The following GRIP2 variants were observed in gnomAD, a reference collection of about 807,000 sequenced individuals.
GRIP2 encodes the protein glutamate receptor-interacting protein 2.
In GRIP2, 58 loss-of-function variants were observed where a neutral mutation model predicts 108.3. The observed-to-expected ratio is 0.54, with a 90% CI of 0.43 to 0.67. GRIP2 has a LOEUF of 0.67. Among genes scored for constraint, GRIP2 ranks in the 30% least tolerant of loss-of-function variants. The pLI, the probability that GRIP2 is intolerant of heterozygous loss-of-function variation, is 0.00. For missense variants in GRIP2, 1,278 were observed against 1,430.6 expected (o/e 0.89, Z 1.72); for synonymous variants, 586 against 598.2 (o/e 0.98, Z 0.30).
intron 5 of GRIP2, 163 bp from the exon 6 acceptor site, chr3:14,523,238 C>T (rs929666743): frequency 1.6e-6 from 1 of 617,980 alleles, no homozygotes; most frequent in Non-Finnish European, 2.9e-6. Flanking sequence ...AATTCGCCCT[C>T]CCAAGAGATG....
chr3:14,574,742 C>A, the GRIP2 span: 1 of 475,782 alleles, frequency 2.1e-6, no homozygotes, highest in South Asian at 1.9e-5. Context: ...AGCAGCCTTT[C>A]ATCAGTGCTG....
At chr3:14,516,411 C>G (rs181209933) in intron 11 of GRIP2, among the ~76,000 whole-genome samples, 1 of 152,290 alleles carries the variant, frequency 6.6e-6, no homozygotes, top group East Asian at 1.9e-4. Context: ...TCTGCATCAA[C>G]AAAGGAAAGA....
Position 14,523,671 on chromosome 3 carries a change from G to A in GRIP2, c.431C>T (p.Ser144Leu), listed in dbSNP as rs377442202. The change falls in exon 5 of 24, where the codon TCA becomes TTA. Residue 144 changes from serine to leucine, a missense_variant. Ser to Leu is a moderately radical substitution (Grantham distance 145). Coordinates refer to ENST00000621039, the MANE Select transcript of GRIP2 (RefSeq NM_001080423.4). The part of the protein sequence containing the change: ...PAPENNPRII[S>L]KTVDVSLYKE... ...GTAGAGGGAGACGTCCACTGTCTTT[G>A]AAATGATCCTGGGGTTATTCTCAGG... 8.1e-6 allele frequency: 13 copies of A among 1,611,782 alleles called. No homozygotes were observed. The African/African-American group carries it at 1.6e-4, about 20-fold the overall frequency.
upstream of GRIP2, among the ~76,000 whole-genome samples, chr3:14,556,475 G>A (rs1695238330): frequency 6.6e-6 from 1 of 152,182 alleles, no homozygotes; most frequent in Non-Finnish European, 1.5e-5. Context: ...TTTCATACTA[G>A]GTTGAGATTA....
At chr3:14,559,993 C>G (rs541914000), upstream of GRIP2, among the ~76,000 whole-genome samples, 451 of 152,248 alleles carry the variant, frequency 3.0e-3, 1 homozygote, top group South Asian at 0.012. Flanking sequence ...TGGCTCAGAC[C>G]CGTAATTCCA....
At position 14,511,170 on chromosome 3, in the gene GRIP2, T is replaced by G; in HGVS notation, c.1928A>C (p.Asn643Thr). ...GGCCAGCATGAGGGCCATACCAGAG[T>G]TGTCCTCGTCCTTCCGGATCTTCAG... Reference protein sequence around the residue: ...VKLKIRKDEDNSDELETTGAV... With the variant: ...VKLKIRKDEDTSDELETTGAV... Residue 643 changes from asparagine to threonine, a missense_variant, in exon 16 of 24, where the codon AAC (asparagine) becomes ACC (threonine). By Grantham distance (65) the Asn-to-Thr change is moderately conservative. Coordinates refer to ENST00000621039, the MANE Select transcript of GRIP2 (RefSeq NM_001080423.4). The surrounding 1 kb of genome is among the most constrained non-coding windows in gnomAD (Gnocchi z 4.1). 6.2e-7 allele frequency: 1 copy of G among 1,613,634 alleles called. No individual in the cohort carries two copies. Among genetic ancestry groups the G allele is most frequent in the South Asian group, 1.1e-5 (1 of 91,030 alleles).
At chr3:14,547,839 T>C (rs1046730399) in intron 1 of GRIP2, among the ~76,000 whole-genome samples, 2 of 152,226 alleles carry the variant, frequency 1.3e-5, no homozygotes, top group African/African-American at 2.4e-5. Context: ...CAGGATGCAG[T>C]GGCCCCTCCC....
Position 14,491,419 on chromosome 3 carries a change from A to G in GRIP2, c.*2246T>C, listed in dbSNP as rs1426481334. On this transcript the variant is annotated 3_prime_UTR_variant, in exon 24 of 24. Transcript: ENST00000621039. ...GGGGAGAGGGCAGGTGGAAGGGGACATGTCACAGGGGCTGTTCCCAAAATG... is the reference window on the plus strand; with the variant it reads ...GGGGAGAGGGCAGGTGGAAGGGGACGTGTCACAGGGGCTGTTCCCAAAATG... The G allele has an allele frequency of 2.0e-5, 3 of 152,388 alleles. No individual in the cohort carries two copies. Among genetic ancestry groups the G allele is most frequent in the African/African-American group, 7.2e-5 (3 of 41,590 alleles). 9.4% of individuals were successfully genotyped at this position (152,388 alleles called of 1,614,324 possible).
At position 14,505,635 on chromosome 3, in the gene GRIP2, A is replaced by ATCCTCC. The variant is rs757372923; in HGVS notation, c.2547_2552dup (p.Glu849_Glu850dup). The ATCCTCC allele has an allele frequency of 1.9e-5, 31 of 1,606,508 alleles. No homozygotes were observed. The highest frequency in any genetic ancestry group is 2.5e-5 in the Non-Finnish European group (29 of 1,176,854). On this transcript the variant is annotated inframe_insertion, in exon 20 of 24. Transcript: ENST00000621039. This position sits in a 1 kb window ranked among gnomAD's most constrained non-coding sequence, Gnocchi z 4.2. The stretch of plus-strand genomic sequence containing the variant: ...CAGACCTCGTTGGCGGCTCCCAATC[A>ATCCTCC]TCCTCCTCCTCCTCCTCTGGAAAGC...
intron 1 of GRIP2, among the ~76,000 whole-genome samples, chr3:14,548,317 A>ATGTGGATGAC (rs1695088714): frequency 6.6e-6 from 1 of 151,818 alleles, no homozygotes; most frequent in Non-Finnish European, 1.5e-5. Flanking sequence ...GTGACCGGCC[A>ATGTGGATGAC]TGTGGATGAC....
chr3:14,509,996 C>G, intron 16 of GRIP2, 32 bp from the exon 17 acceptor site: 1 of 1,406,108 alleles, frequency 7.1e-7, no homozygotes, highest in Non-Finnish European at 9.3e-7. Flanking sequence ...AGGAGGAGGC[C>G]CCCGAGGGGG....
chr3:14,502,642 G>A (rs1693798759), intron 21 of GRIP2, among the ~76,000 whole-genome samples: 1 of 152,160 alleles, frequency 6.6e-6, no homozygotes, highest in South Asian at 2.1e-4. Flanking sequence ...CAAAATCTGG[G>A]ATGCAGCCAA....
At chr3:14,498,583 A>T (rs1240260593) in intron 21 of GRIP2, among the ~76,000 whole-genome samples, 1 of 150,498 alleles carries the variant, frequency 6.6e-6, no homozygotes, top group Non-Finnish European at 1.5e-5. Flanking sequence ...CTTAGAAGTG[A>T]TCTTCACCTG....
intron 11 of GRIP2, among the ~76,000 whole-genome samples, chr3:14,516,792 T>C (rs1038505511): frequency 6.6e-6 from 1 of 152,090 alleles, no homozygotes; most frequent in Non-Finnish European, 1.5e-5. Context: ...TCAAGGACGT[T>C]ATCACCAAAT....
In GRIP2 at chr3:14,496,532, C is replaced by T. The variant is rs576229160; in HGVS notation, c.2708G>A (p.Arg903Lys). The change falls in exon 22 of 24, where the codon AGG becomes AAG. Residue 903 changes from arginine (R) to lysine (K), a missense_variant. Coordinates refer to ENST00000621039, the MANE Select transcript of GRIP2 (RefSeq NM_001080423.4). ...EASIMTGTVQRVALEGRPGHR... is the reference protein window; with the variant it reads ...EASIMTGTVQKVALEGRPGHR... ...GCCAGGCCTGCCCTCGAGGGCCACCCTCTGCACGGTGCCCGTCATGATGGA... is the reference window on the plus strand; with the variant it reads ...GCCAGGCCTGCCCTCGAGGGCCACCTTCTGCACGGTGCCCGTCATGATGGA... 877 of 1,611,636 alleles carry T rather than the reference C, an allele frequency of 5.4e-4. 9 individuals carry two copies. The South Asian group carries it at 9.0e-3, about 17-fold the overall frequency.
At chr3:14,552,480 A>C (rs996769232) in intron 1 of GRIP2, among the ~76,000 whole-genome samples, 1 of 152,152 alleles carries the variant, frequency 6.6e-6, no homozygotes, top group African/African-American at 2.4e-5. Flanking sequence ...GACACAGGCT[A>C]TTCTCCTGCC....
At chr3:14,575,934 T>C in the GRIP2 span, among the ~76,000 whole-genome samples, 1 of 152,168 alleles carries the variant, frequency 6.6e-6, no homozygotes, top group African/African-American at 2.4e-5. Flanking sequence ...CTTGGGTAGG[T>C]GAGTCTGGAC....
Position 14,506,862 on chromosome 3 carries a change from A to G in GRIP2, c.2337T>C (p.Ser779=). Residue 779 remains serine (S), a synonymous_variant, in exon 19 of 24, where the codon AGT becomes AGC. Transcript: ENST00000621039. The part of the protein sequence containing the change: ...PAARFSPAVP[S]VDSAVESWDS... ...CCCAAGACTCCACAGCACTGTCCAC[A>G]CTGGGCACAGCCGGCGAGAAGCGGG... The G allele has an allele frequency of 1.2e-6, 2 of 1,607,842 alleles. No homozygotes were observed. Among genetic ancestry groups the G allele is most frequent in the South Asian group, 1.1e-5 (1 of 89,730 alleles).
Position 14,522,662 on chromosome 3 carries a change from T to C in GRIP2, c.566+338A>G. Reference sequence around the variant, plus strand: ...CGGCTACAGCAGTGGCCAATCAGCGTGCCCCCAAATCTCTCATAGCAACTC... The same window carrying C: ...CGGCTACAGCAGTGGCCAATCAGCGCGCCCCCAAATCTCTCATAGCAACTC... On this transcript the variant is annotated intron_variant, in intron 6 of 23. Coordinates refer to ENST00000621039, the MANE Select transcript of GRIP2 (RefSeq NM_001080423.4). The surrounding 1 kb of genome is among the most constrained non-coding windows in gnomAD (Gnocchi z 4.3). 1 of 261,492 alleles carries C rather than the reference T, an allele frequency of 3.8e-6. No homozygotes were observed. The highest frequency in any genetic ancestry group is 7.4e-6 in the Non-Finnish European group (1 of 134,732). 16.2% of individuals were successfully genotyped at this position (261,492 alleles called of 1,614,324 possible). A position where few individuals can be genotyped will look rare whatever the true frequency, so the allele number is the denominator to read the frequency against.
Sources: allele counts gnomAD v4.1 joint callset (sites outside exome capture counted in the v4.1 genomes callset), GRCh38; gene constraint gnomAD v4.1.1; non-coding constraint Gnocchi (gnomAD v3.1); transcripts MANE v1.5; gene names NCBI Gene and HGNC (gene_info 2026-07-23, HGNC 2026-07-21).